The following PDZD2 variants were observed in gnomAD, a reference collection of about 807,000 sequenced individuals.
PDZD2 encodes PDZ domain containing 2.
Under a neutral mutation model 220.7 loss-of-function variants are expected in PDZD2, and 90 were observed. The observed-to-expected ratio is 0.41, with a 90% CI of 0.34 to 0.49. The LOEUF (loss-of-function observed/expected upper bound fraction) is 0.49. Among genes scored for constraint, PDZD2 ranks in the 20% least tolerant of loss-of-function variants. PDZD2 has a pLI of 0.28. For synonymous variants in PDZD2, 1,375 were observed against 1,450.5 expected (o/e 0.95, Z 1.18); for missense variants, 3,174 against 3,608.5 (o/e 0.88, Z 3.08).
At chr5:31,701,057 C>A (rs380459) in intron 1 of PDZD2, among the ~76,000 whole-genome samples, 41,116 of 152,042 alleles carry the variant, frequency 0.27, 6,281 homozygotes, top group African/African-American at 0.42. Flanking sequence ...AGCCACTTGC[C>A]GTCTGACACC....
chr5:32,006,061 C>T (rs566219738), intron 5 of PDZD2, among the ~76,000 whole-genome samples: 4 of 151,394 alleles, frequency 2.6e-5, no homozygotes, highest in East Asian at 1.9e-4. Flanking sequence ...GCAGGAGAAT[C>T]GCTTGAACCC....
chr5:31,881,332 G>A (rs1340129497), intron 2 of PDZD2, among the ~76,000 whole-genome samples: 1,144 of 77,142 alleles, frequency 0.015, 6 homozygotes, highest in Non-Finnish European at 0.02. Context: ...ATATATGTGT[G>A]TGTGTGTGTG....
intron 2 of PDZD2, among the ~76,000 whole-genome samples, chr5:31,954,944 A>G (rs571165277): frequency 6.6e-6 from 1 of 152,166 alleles, no homozygotes; most frequent in East Asian, 1.9e-4. Context: ...CTCAAAAAAA[A>G]CAACCACTAG....
chr5:32,034,766 G>A (rs543918694), intron 6 of PDZD2, among the ~76,000 whole-genome samples: 1 of 152,254 alleles, frequency 6.6e-6, no homozygotes, highest in African/African-American at 2.4e-5. Flanking sequence ...TCAAGCAAAG[G>A]GGAGGCTCTA....
intron 1 of PDZD2, among the ~76,000 whole-genome samples, chr5:31,764,496 T>C (rs975903376): frequency 1.3e-5 from 2 of 152,218 alleles, no homozygotes; most frequent in Non-Finnish European, 2.9e-5. Flanking sequence ...TGCCCTCCTG[T>C]ACACATTAAA....
At chr5:31,897,456 A>G (rs532876808) in intron 2 of PDZD2, among the ~76,000 whole-genome samples, 1 of 152,238 alleles carries the variant, frequency 6.6e-6, no homozygotes, top group East Asian at 1.9e-4. Flanking sequence ...GTGTTGTCTG[A>G]TGTTCAAATA....
At chr5:32,058,751 A>G (rs1204061095) in intron 12 of PDZD2, among the ~76,000 whole-genome samples, 2 of 152,052 alleles carry the variant, frequency 1.3e-5, no homozygotes, top group Non-Finnish European at 1.5e-5. Context: ...AAAAGATTAT[A>G]GTTAAGTGTA....
intron 3 of PDZD2, among the ~76,000 whole-genome samples, chr5:31,992,010 G>A (rs1751254019): frequency 6.6e-6 from 1 of 152,156 alleles, no homozygotes; most frequent in Admixed American, 6.5e-5. Context: ...TTCAGCCTAG[G>A]TGACAGAGTG....
chr5:31,924,990 G>T (rs180757032), intron 2 of PDZD2, among the ~76,000 whole-genome samples: 1 of 152,132 alleles, frequency 6.6e-6, no homozygotes, highest in Non-Finnish European at 1.5e-5. Flanking sequence ...AACCAAAATT[G>T]TCTCCATTTC....
At chr5:31,731,990 G>A (rs77839245) in intron 1 of PDZD2, among the ~76,000 whole-genome samples, 3,221 of 152,332 alleles carry the variant, frequency 0.021, 53 homozygotes, top group Middle Eastern at 0.1. Flanking sequence ...CTAGGATCAT[G>A]AAATCTGAGC....
At chr5:31,841,189 C>A (rs991816463) in intron 2 of PDZD2, among the ~76,000 whole-genome samples, 10 of 141,300 alleles carry the variant, frequency 7.1e-5, no homozygotes, top group Non-Finnish European at 1.3e-4. Context: ...TTGTCCTGAA[C>A]TTTCTCTGTG....
At chr5:31,920,334 G>A (rs1226878217) in intron 2 of PDZD2, among the ~76,000 whole-genome samples, 2 of 151,552 alleles carry the variant, frequency 1.3e-5, no homozygotes, top group Admixed American at 6.6e-5. Context: ...GCGAAAGATA[G>A]AGATTTCCTA....
At chr5:31,918,814 T>G (rs930554140) in intron 2 of PDZD2, among the ~76,000 whole-genome samples, 2 of 152,150 alleles carry the variant, frequency 1.3e-5, no homozygotes, top group Non-Finnish European at 2.9e-5. Flanking sequence ...GGCTTTTCTG[T>G]GCTACTCCAA....
intron 1 of PDZD2, among the ~76,000 whole-genome samples, chr5:31,723,173 G>T (rs1284373679): frequency 1.3e-5 from 2 of 152,124 alleles, no homozygotes; most frequent in Non-Finnish European, 2.9e-5. Context: ...AACACATTCC[G>T]CAAACAGTAT....
intron 1 of PDZD2, among the ~76,000 whole-genome samples, chr5:31,756,880 C>A (rs938932267): frequency 6.6e-6 from 1 of 152,230 alleles, no homozygotes; most frequent in Non-Finnish European, 1.5e-5. Flanking sequence ...TATGAGGAAT[C>A]CAGTTAATTA....
chr5:31,934,368 G>A (rs1482202050), intron 2 of PDZD2, among the ~76,000 whole-genome samples: 3 of 151,958 alleles, frequency 2.0e-5, no homozygotes, highest in Non-Finnish European at 4.4e-5. Context: ...GACTTGCCTG[G>A]GGCTCCCTGC....
At chr5:31,941,945 T>A (rs2150403465) in intron 2 of PDZD2, among the ~76,000 whole-genome samples, 1 of 152,366 alleles carries the variant, frequency 6.6e-6, no homozygotes, top group East Asian at 1.9e-4. Context: ...GTATGTGTTT[T>A]GTTTTTTAAT....
At chr5:31,856,904 A>G (rs1306851001) in intron 2 of PDZD2, among the ~76,000 whole-genome samples, 2 of 54,244 alleles carry the variant, frequency 3.7e-5, no homozygotes, top group Non-Finnish European at 6.7e-5. Context: ...CCTCCTTATC[A>G]AAACTATATA....
chr5:31,714,071 A>T (rs477333), intron 1 of PDZD2, among the ~76,000 whole-genome samples: 1 of 152,164 alleles, frequency 6.6e-6, no homozygotes, highest in Non-Finnish European at 1.5e-5. Context: ...CTCTTTAATC[A>T]CAGTGACTAA....
Sources: gnomAD v4.1 joint callset for allele counts (sites outside exome capture counted in the v4.1 genomes callset) on GRCh38, gnomAD v4.1.1 for gene constraint, MANE v1.5 for transcripts, NCBI Gene and HGNC (gene_info 2026-07-23, HGNC 2026-07-21) for gene names.